ULK4: variants seen among roughly 807,000 people sequenced by gnomAD.
ULK4 encodes inactive serine/threonine-protein kinase ULK4.
A neutral mutation model predicts 160.6 loss-of-function variants in ULK4; 133 were observed. That is an observed-to-expected ratio of 0.83 (90% CI 0.72 to 0.96). ULK4 has a LOEUF of 0.96. Among genes scored for constraint, ULK4 ranks in the 40% least tolerant of loss-of-function variants. The pLI, the probability that ULK4 is intolerant of heterozygous loss-of-function variation, is 0.00. For synonymous variants in ULK4, 534 were observed against 539.8 expected, an observed-to-expected ratio of 0.99 and a Z score of 0.15; for missense variants, 1,580 against 1,499.5, an observed-to-expected ratio of 1.05 and a Z score of -0.89.
chr3:41,953,854 C>A (rs1177740176), intron 2 of ULK4, among the ~76,000 whole-genome samples: 2 of 152,070 alleles, frequency 1.3e-5, no homozygotes, highest in African/African-American at 4.8e-5. Flanking sequence ...TTGAGACCAG[C>A]CTGGGCAACA....
chr3:41,265,184 C>G (rs2079008876), intron 35 of ULK4, among the ~76,000 whole-genome samples: 1 of 152,228 alleles, frequency 6.6e-6, no homozygotes, highest in African/African-American at 2.4e-5. Flanking sequence ...AGGTAGGGGA[C>G]CATCTCAGAT....
intron 5 of ULK4, among the ~76,000 whole-genome samples, chr3:41,921,327 G>T (rs1575953289): frequency 6.6e-6 from 1 of 151,096 alleles, no homozygotes; most frequent in Non-Finnish European, 1.5e-5. Context: ...ATAAATAAAC[G>T]AGGGCCGGGC....
At chr3:41,387,025 T>C (rs1559561188) in intron 35 of ULK4, among the ~76,000 whole-genome samples, 1 of 152,146 alleles carries the variant, frequency 6.6e-6, no homozygotes, top group Non-Finnish European at 1.5e-5. Context: ...TCTTGCTCAA[T>C]ATCTCAGGAA....
chr3:41,713,328 C>T (rs1376960251), intron 25 of ULK4, among the ~76,000 whole-genome samples: 1 of 152,156 alleles, frequency 6.6e-6, no homozygotes, highest in African/African-American at 2.4e-5. Context: ...ACATTCAACT[C>T]TCAACAATTC....
At chr3:41,509,972 C>T (rs1181555082) in intron 32 of ULK4, among the ~76,000 whole-genome samples, 2 of 152,210 alleles carry the variant, frequency 1.3e-5, no homozygotes, top group African/African-American at 2.4e-5. Flanking sequence ...ATAGTACCTT[C>T]ACATCTCAGT....
intron 34 of ULK4, among the ~76,000 whole-genome samples, chr3:41,435,323 C>G (rs1328909122): frequency 6.6e-6 from 1 of 152,132 alleles, no homozygotes; most frequent in Non-Finnish European, 1.5e-5. Flanking sequence ...AGCCCAGGGA[C>G]AAACAGAACT....
intron 22 of ULK4, among the ~76,000 whole-genome samples, chr3:41,735,665 C>T (rs188550251): frequency 2.1e-3 from 308 of 148,824 alleles, no homozygotes; most frequent in African/African-American, 7.3e-3. Flanking sequence ...TTTCTCCTTG[C>T]TTCACTCCAC....
At chr3:41,561,321 TTC>T (rs1488821727) in intron 32 of ULK4, among the ~76,000 whole-genome samples, 1 of 152,194 alleles carries the variant, frequency 6.6e-6, no homozygotes, top group African/African-American at 2.4e-5. Flanking sequence ...TGGTCTAAAA[TTC>T]TCTTTTTTGG....
chr3:41,622,418 C>T (rs1416526378), intron 30 of ULK4, among the ~76,000 whole-genome samples: 1 of 152,070 alleles, frequency 6.6e-6, no homozygotes, highest in African/African-American at 2.4e-5. Flanking sequence ...TGCTATGCAG[C>T]CATGAAAAGT....
At chr3:41,391,925 T>C (rs899241081) in intron 35 of ULK4, among the ~76,000 whole-genome samples, 11 of 152,122 alleles carry the variant, frequency 7.2e-5, no homozygotes, top group Non-Finnish European at 2.9e-5. Flanking sequence ...AGGGAGTTAG[T>C]AACATCAGCA....
intron 27 of ULK4, among the ~76,000 whole-genome samples, chr3:41,688,382 C>T (rs1315666169): frequency 2.6e-5 from 4 of 152,100 alleles, no homozygotes; most frequent in Non-Finnish European, 5.9e-5. Context: ...AGTGGAACCC[C>T]CATCCCTAAA....
intron 36 of ULK4, among the ~76,000 whole-genome samples, chr3:41,248,554 GAGCCTTCTCT>G (rs2078686915): frequency 2.0e-5 from 3 of 152,338 alleles, no homozygotes; most frequent in African/African-American, 7.2e-5. Flanking sequence ...GATTGGAATT[GAGCCTTCTCT>G]GCAAACTCAC....
intron 4 of ULK4, among the ~76,000 whole-genome samples, chr3:41,934,867 CCTTAT>C (rs999489178): frequency 1.3e-5 from 2 of 151,888 alleles, no homozygotes; most frequent in African/African-American, 4.8e-5. Flanking sequence ...GCTAAGAGGG[CCTTAT>C]CTTATAGACA....
intron 31 of ULK4, among the ~76,000 whole-genome samples, chr3:41,596,220 C>A (rs1183931602): frequency 6.6e-6 from 1 of 152,146 alleles, no homozygotes. Context: ...ACATTGGGGG[C>A]ATTTGTTTTA....
rs1291174630 is a variant in ULK4, at chr3:41,858,134, GT to G, written c.1657-22164del. On this transcript the variant is annotated intron_variant, in intron 17 of 36. Transcript: ENST00000301831. ...TACTGCTTTTACTGTATCCCATAGG[GT>G]TTTTTTTGTTTGTTTTTTTTTTTTT... Among the ~76,000 whole-genome samples, 342 of 108,806 alleles carry G rather than the reference GT, an allele frequency of 3.1e-3. 1 individual carries two copies. The highest frequency in any genetic ancestry group is 0.015 in the African/African-American group (328 of 22,104). 71.4% of individuals were successfully genotyped at this position (108,806 alleles called of 152,430 possible). A position where few individuals can be genotyped will look rare whatever the true frequency, so the allele number is the denominator to read the frequency against.
chr3:41,880,586 G>A (rs1697481946), intron 17 of ULK4, among the ~76,000 whole-genome samples: 1 of 152,104 alleles, frequency 6.6e-6, no homozygotes, highest in African/African-American at 2.4e-5. Flanking sequence ...TCGGCACTGT[G>A]GGGTACAAAG....
chr3:41,327,585 C>A (rs1353151090), intron 35 of ULK4, among the ~76,000 whole-genome samples: 1 of 152,104 alleles, frequency 6.6e-6, no homozygotes, highest in Non-Finnish European at 1.5e-5. Context: ...CCGGTAGTCA[C>A]CTTTCAACTG....
intron 22 of ULK4, 140 bp from the exon 23 acceptor site, chr3:41,718,001 G>T: frequency 9.9e-7 from 1 of 1,010,348 alleles, no homozygotes; most frequent in Non-Finnish European, 1.4e-6. Flanking sequence ...AACTTGTCGG[G>T]CACAATTTTT....
At chr3:41,612,034 A>G (rs889755809) in intron 31 of ULK4, among the ~76,000 whole-genome samples, 1 of 152,196 alleles carries the variant, frequency 6.6e-6, no homozygotes, top group Non-Finnish European at 1.5e-5. Flanking sequence ...CAATACAAGA[A>G]AAAGTAACAC....
Sources: allele counts gnomAD v4.1 joint callset (sites outside exome capture counted in the v4.1 genomes callset), GRCh38; gene constraint gnomAD v4.1.1; transcripts MANE v1.5; gene names NCBI Gene and HGNC (gene_info 2026-07-23, HGNC 2026-07-21).